The following UBE2E2 variants were observed in gnomAD, a reference collection of about 807,000 sequenced individuals.
UBE2E2 encodes the protein ubiquitin-conjugating enzyme E2 E2.
Under a neutral mutation model 24.7 loss-of-function variants are expected in UBE2E2, and 6 were observed. The ratio of observed to expected loss-of-function variants is 0.24; its 90% CI spans 0.13 to 0.48. UBE2E2 has a LOEUF of 0.48. UBE2E2 is among the 20% of genes least tolerant of loss of function. The probability of loss-of-function intolerance (pLI) is 0.99; values close to 1 mark genes in which losing one functional copy is unlikely to be tolerated. For synonymous variants in UBE2E2, 104 were observed against 83.6 expected (o/e 1.24, Z -1.33); for missense variants, 169 against 245.0 (o/e 0.69, Z 2.07).
intron 3 of UBE2E2, among the ~76,000 whole-genome samples, chr3:23,476,674 C>T (rs1699145651): frequency 6.6e-6 from 1 of 152,020 alleles, no homozygotes; most frequent in African/African-American, 2.4e-5. Flanking sequence ...GACAACAGAG[C>T]AAGACCCTGT....
At chr3:23,378,821 A>G (rs1696587494) in intron 3 of UBE2E2, among the ~76,000 whole-genome samples, 1 of 152,212 alleles carries the variant, frequency 6.6e-6, no homozygotes, top group African/African-American at 2.4e-5. Flanking sequence ...ACTAAACAGA[A>G]CTGTATAGTT....
intron 3 of UBE2E2, among the ~76,000 whole-genome samples, chr3:23,450,493 CCTCTTTCATTAT>C (rs1379231144): frequency 2.0e-5 from 3 of 152,068 alleles, no homozygotes; most frequent in Non-Finnish European, 4.4e-5. Context: ...CACCTCTTTA[CCTCTTTCATTAT>C]CATCTCAGAA....
chr3:23,447,749 TATA>T (rs1474541491), intron 3 of UBE2E2, among the ~76,000 whole-genome samples: 3 of 152,148 alleles, frequency 2.0e-5, no homozygotes, highest in African/African-American at 7.2e-5. Flanking sequence ...AGAAGAGTAA[TATA>T]ATTTTTGTGT....
intron 3 of UBE2E2, among the ~76,000 whole-genome samples, chr3:23,302,301 T>C (rs185956674): frequency 7.5e-4 from 115 of 152,370 alleles, no homozygotes; most frequent in African/African-American, 2.7e-3. Flanking sequence ...ATATTTCCCT[T>C]ACCCTATCCA....
At chr3:23,484,837 TG>T (rs1699328475) in intron 3 of UBE2E2, among the ~76,000 whole-genome samples, 1 of 152,100 alleles carries the variant, frequency 6.6e-6, no homozygotes, top group South Asian at 2.1e-4. Context: ...GCTTATTCAC[TG>T]TCAGGAGAAC....
At position 23,478,279 on chromosome 3, in the gene UBE2E2, A is replaced by G. The variant is rs1357216811; in HGVS notation, c.228-21329A>G. On this transcript the variant is annotated intron_variant, in intron 3 of 5. Coordinates refer to ENST00000396703, the MANE Select transcript of UBE2E2 (RefSeq NM_152653.4). Reference sequence around the variant, plus strand: ...CCTCAGGGGACTCCTAGACTGTAAAAGACAGGCAACAACATAACCAGGGGT... The same window carrying G: ...CCTCAGGGGACTCCTAGACTGTAAAGGACAGGCAACAACATAACCAGGGGT... 3.9e-5 allele frequency among the ~76,000 whole-genome samples: 6 copies of G among 152,242 alleles called. No homozygotes were observed. The East Asian group carries it at 1.2e-3, about 29-fold the overall frequency.
intron 3 of UBE2E2, among the ~76,000 whole-genome samples, chr3:23,485,426 A>C (rs983842251): frequency 6.6e-6 from 1 of 152,112 alleles, no homozygotes; most frequent in Non-Finnish European, 1.5e-5. Flanking sequence ...GCAATCAATC[A>C]ATATCTTTTA....
chr3:23,582,208 A>G (rs1696496748), intron 5 of UBE2E2, among the ~76,000 whole-genome samples: 1 of 152,194 alleles, frequency 6.6e-6, no homozygotes, highest in African/African-American at 2.4e-5. Context: ...AGCTCTATCC[A>G]TGTTGCTGCA....
chr3:23,203,821 A>G (rs1696044788), intron 1 of UBE2E2, among the ~76,000 whole-genome samples: 2 of 151,800 alleles, frequency 1.3e-5, no homozygotes, highest in Non-Finnish European at 2.9e-5. Flanking sequence ...TCAAAAGTAC[A>G]GGATAAATGT....
chr3:23,422,231 A>C (rs13090335), intron 3 of UBE2E2, among the ~76,000 whole-genome samples: 11,136 of 152,226 alleles, frequency 0.073, 523 homozygotes, highest in Non-Finnish European at 0.088. Context: ...AGGTACTTTA[A>C]AGGAGCATTA....
intron 3 of UBE2E2, among the ~76,000 whole-genome samples, chr3:23,475,094 C>T (rs576808091): frequency 2.0e-5 from 3 of 152,148 alleles, no homozygotes; most frequent in African/African-American, 7.2e-5. Flanking sequence ...CTCTCAGCTT[C>T]TGTGATACCA....
intron 3 of UBE2E2, among the ~76,000 whole-genome samples, chr3:23,440,128 G>A (rs1698270941): frequency 6.6e-6 from 1 of 152,064 alleles, no homozygotes; most frequent in Non-Finnish European, 1.5e-5. Context: ...ACAAAAATTA[G>A]CCAGGTGCAG....
chr3:23,368,789 G>C (rs1696326368), intron 3 of UBE2E2, among the ~76,000 whole-genome samples: 1 of 152,230 alleles, frequency 6.6e-6, no homozygotes, highest in African/African-American at 2.4e-5. Context: ...CAACAAAAAA[G>C]TCATAAAATA....
chr3:23,552,568 C>G (rs1004095617), intron 5 of UBE2E2, among the ~76,000 whole-genome samples: 8 of 152,120 alleles, frequency 5.3e-5, no homozygotes, highest in Non-Finnish European at 1.2e-4. Context: ...TCTACAGTTC[C>G]AAGAAATAAA....
chr3:23,271,107 A>T, intron 3 of UBE2E2: 1 of 440,046 alleles, frequency 2.3e-6, no homozygotes, highest in Non-Finnish European at 4.5e-6. Flanking sequence ...AGAGAAATGG[A>T]CCTTGAGTTT....
At chr3:23,499,583 A>C (rs779913722) in intron 3 of UBE2E2, 25 bp from the exon 4 acceptor site, 1 of 1,598,088 alleles carries the variant, frequency 6.3e-7, no homozygotes, top group South Asian at 1.1e-5. Flanking sequence ...TTCTAAGCAC[A>C]TTTCATTTGT....
rs551525500 is a variant in UBE2E2 at position 23,300,235 on chromosome 3, C to A, written c.227+82923C>A. On this transcript the variant is annotated intron_variant, in intron 3 of 5. Transcript: ENST00000396703. ...ACACTGGTGGGTCTTGACTCTTTAT[C>A]CAATTTGCCAGTCTGTGTCTTTTAA... Among the ~76,000 whole-genome samples, 73 of 152,018 alleles carry A rather than the reference C, an allele frequency of 4.8e-4. No individual in the cohort carries two copies. In the South Asian group the frequency reaches 0.015, roughly 30 times the overall value.
At chr3:23,438,123 C>T (rs2125405769) in intron 3 of UBE2E2, among the ~76,000 whole-genome samples, 1 of 152,290 alleles carries the variant, frequency 6.6e-6, no homozygotes, top group Non-Finnish European at 1.5e-5. Context: ...TGAACCAGTA[C>T]AGGTTTCTGT....
chr3:23,380,086 T>TTA (rs1445505838), intron 3 of UBE2E2, among the ~76,000 whole-genome samples: 1 of 136,292 alleles, frequency 7.3e-6, no homozygotes, highest in Non-Finnish European at 1.6e-5. Context: ...TTGATTACTG[T>TTA]AAAAAAAAAA....
Sources: allele counts gnomAD v4.1 joint callset (sites outside exome capture counted in the v4.1 genomes callset), GRCh38; gene constraint gnomAD v4.1.1; transcripts MANE v1.5; gene names NCBI Gene and HGNC (gene_info 2026-07-23, HGNC 2026-07-21).